Variants in SLC47A1 observed in about 807,000 individuals in gnomAD.
The protein encoded by SLC47A1 is solute carrier family 47 member 1.
Under a neutral mutation model 65.8 loss-of-function variants are expected in SLC47A1, and 58 were observed. The observed-to-expected ratio is 0.88, with a 90% CI of 0.71 to 1.10. The LOEUF (loss-of-function observed/expected upper bound fraction) is 1.10. Among genes scored for constraint, SLC47A1 ranks in the 50% least tolerant of loss-of-function variants. The probability of loss-of-function intolerance (pLI) is 0.00; values close to 1 mark genes in which losing one functional copy is unlikely to be tolerated. For synonymous variants in SLC47A1, 285 were observed against 295.0 expected, an observed-to-expected ratio of 0.97 and a Z score of 0.35; for missense variants, 706 against 719.2, an observed-to-expected ratio of 0.98 and a Z score of 0.21.
intron 2 of SLC47A1, among the ~76,000 whole-genome samples, chr17:19,545,425 C>T (rs939046464): frequency 1.1e-4 from 17 of 152,266 alleles, no homozygotes; most frequent in Admixed American, 3.3e-4. Flanking sequence ...AACGCCTGAC[C>T]TCGTGATCCG....
At chr17:19,566,986 T>C in intron 13 of SLC47A1, 110 bp from the exon 14 acceptor site, 2 of 1,593,712 alleles carry the variant, frequency 1.3e-6, no homozygotes, top group Non-Finnish European at 1.7e-6. Flanking sequence ...TTTAGAAGGA[T>C]ACTGTCACCT....
intron 12 of SLC47A1, among the ~76,000 whole-genome samples, chr17:19,565,022 T>G (rs895849448): frequency 1.3e-5 from 2 of 152,194 alleles, no homozygotes; most frequent in African/African-American, 4.8e-5. Flanking sequence ...CCTGGGCCAG[T>G]GCTGGATTTC....
In SLC47A1 at chr17:19,571,503, T is replaced by TA. The variant is rs756870802; in HGVS notation, c.1336dup (p.Thr446AsnfsTer54). On this transcript the variant is annotated frameshift_variant, in exon 15 of 17. Transcript: ENST00000270570. LOFTEE classifies it high-confidence loss of function. ...GTCTGTGGTCAGGGATCATCATCTG[T>TA]ACAGTCTTTCAAGCTGTGTGTTTTC... 6.2e-7 allele frequency: 1 copy of TA among 1,614,048 alleles called. No individual in the cohort carries two copies. Among genetic ancestry groups the TA allele is most frequent in the Non-Finnish European group, 8.5e-7 (1 of 1,179,968 alleles).
chr17:19,544,414 CAA>C (rs1435616208), intron 2 of SLC47A1, among the ~76,000 whole-genome samples: 1 of 152,240 alleles, frequency 6.6e-6, no homozygotes, highest in Admixed American at 6.5e-5. Context: ...AAGGACTTAT[CAA>C]AGTCAGTGCT....
chr17:19,556,780 C>T, intron 10 of SLC47A1, among the ~76,000 whole-genome samples: 1 of 152,154 alleles, frequency 6.6e-6, no homozygotes, highest in East Asian at 1.9e-4. Context: ...TGGTCTTGAA[C>T]TCCTGACCTC....
chr17:19,546,169 G>A (rs1156643957), intron 2 of SLC47A1, among the ~76,000 whole-genome samples: 4 of 152,092 alleles, frequency 2.6e-5, no homozygotes, highest in Admixed American at 6.5e-5. Flanking sequence ...GCAGTGAGCC[G>A]AGATCGCGCC....
At chr17:19,559,739 G>A (rs2084292326) in intron 10 of SLC47A1, among the ~76,000 whole-genome samples, 2 of 151,904 alleles carry the variant, frequency 1.3e-5, no homozygotes, top group African/African-American at 2.4e-5. Context: ...CACCATGTTG[G>A]CCAGGCTGGT....
chr17:19,555,094 C>T, intron 6 of SLC47A1, 118 bp from the exon 7 acceptor site: 1 of 867,724 alleles, frequency 1.2e-6, no homozygotes, highest in Middle Eastern at 3.1e-4. Flanking sequence ...GTTAAGCCCC[C>T]CAGCTATGCC....
At chr17:19,558,178 C>T (rs866935307) in intron 10 of SLC47A1, among the ~76,000 whole-genome samples, 16 of 152,284 alleles carry the variant, frequency 1.1e-4, no homozygotes, top group African/African-American at 3.6e-4. Flanking sequence ...TTTCCCCTAG[C>T]GTCATATCTC....
intron 4 of SLC47A1, 149 bp from the exon 5 acceptor site, chr17:19,549,486 G>A (rs568041670): frequency 3.8e-5 from 30 of 783,756 alleles, no homozygotes; most frequent in South Asian, 2.1e-4. Context: ...GAGCCACCGC[G>A]CCCGGCCTGC....
At chr17:19,541,943 G>A (rs976779090) in intron 1 of SLC47A1, among the ~76,000 whole-genome samples, 2 of 152,190 alleles carry the variant, frequency 1.3e-5, no homozygotes, top group African/African-American at 4.8e-5. Flanking sequence ...TGACCAACAT[G>A]GTGAAACTCT....
chr17:19,577,543 G>A lies in SLC47A1; in HGVS notation c.1703G>A (p.Arg568Lys), dbSNP rs1210770790. Reference sequence around the variant, plus strand: ...GGGATTTTAGTGAGATTCTATGTCAGAATTCAGTGACGTGGTAGGAAAGAA... The same window carrying A: ...GGGATTTTAGTGAGATTCTATGTCAAAATTCAGTGACGTGGTAGGAAAGAA... Reference protein sequence around the residue: ...LVGILVRFYVRIQ With the variant: ...LVGILVRFYVKIQ The change falls in exon 17 of 17, where the codon AGA becomes AAA. Residue 568 changes from arginine to lysine, a missense_variant. Arg to Lys is a conservative substitution (Grantham distance 26). Transcript: ENST00000270570. 1.9e-6 allele frequency: 3 copies of A among 1,613,964 alleles called. No individual in the cohort carries two copies. In the African/African-American group the frequency reaches 4.0e-5, roughly 22 times the overall value.
rs535928835 is a variant in SLC47A1, at chr17:19,535,793, G to T, written c.135+1719G>T. ...CTCAAGACCTGGGGCTGCGTGCCCT[G>T]CTTTGACCTCCGAAAGTAAGTCAGG... is the stretch of plus-strand genomic sequence containing the variant. On this transcript the variant is annotated intron_variant, in intron 1 of 16. Transcript: ENST00000270570. Among the ~76,000 whole-genome samples the T allele has an allele frequency of 1.2e-4, 19 of 152,180 alleles. No homozygotes were observed. In the South Asian group the frequency reaches 3.9e-3, roughly 32 times the overall value.
At chr17:19,562,866 T>C (rs1473189889) in intron 12 of SLC47A1, among the ~76,000 whole-genome samples, 2 of 152,050 alleles carry the variant, frequency 1.3e-5, no homozygotes, top group South Asian at 2.1e-4. Context: ...CCCAACCTGG[T>C]AGAATCGGTG....
intron 12 of SLC47A1, chr17:19,564,513 G>C (rs930504896): frequency 3.3e-5 from 5 of 152,174 alleles, no homozygotes; most frequent in African/African-American, 9.7e-5. Context: ...AACGTGCTAG[G>C]AATTGTTACC....
intron 6 of SLC47A1, 109 bp downstream of exon 6, chr17:19,551,577 C>T: frequency 1.1e-6 from 1 of 935,506 alleles, no homozygotes; most frequent in Non-Finnish European, 1.7e-6. Context: ...GTGGAGGGAG[C>T]TCACTGCTGG....
intron 16 of SLC47A1, among the ~76,000 whole-genome samples, chr17:19,575,718 G>A (rs531575496): frequency 2.0e-5 from 3 of 152,090 alleles, no homozygotes; most frequent in Non-Finnish European, 2.9e-5. Flanking sequence ...TTACTGTTCT[G>A]AAGTGTCTTG....
Position 19,566,927 on chromosome 17 carries a change from A to T in SLC47A1, c.1176+68A>T, listed in dbSNP as rs1467488970. ...CTGATGGTGGTAAATTTCAGCTGAG[A>T]GGAGGGGCCAGCATAGGTAGGAAGA... On this transcript the variant is annotated intron_variant, in intron 13 of 16. Transcript: ENST00000270570. 52 of 1,593,386 alleles carry T rather than the reference A, an allele frequency of 3.3e-5. No homozygotes were observed. The Admixed American group carries it at 8.4e-4, about 26-fold the overall frequency.
chr17:19,551,591 C>T, intron 6 of SLC47A1, 123 bp downstream of exon 6: 1 of 800,578 alleles, frequency 1.2e-6, no homozygotes, highest in Non-Finnish European at 2.1e-6. Flanking sequence ...CTGCTGGGAG[C>T]CACTGAAAGA....
Sources: gnomAD v4.1 joint callset for allele counts (sites outside exome capture counted in the v4.1 genomes callset) on GRCh38, gnomAD v4.1.1 for gene constraint, MANE v1.5 for transcripts, NCBI Gene and HGNC (gene_info 2026-07-23, HGNC 2026-07-21) for gene names.